Variants in PUS1 observed in about 807,000 individuals in gnomAD.
PUS1 encodes pseudouridylate synthase 1 homolog.
Under a neutral mutation model 38.5 loss-of-function variants are expected in PUS1, and 25 were observed. The ratio of observed to expected loss-of-function variants is 0.65; its 90% confidence interval spans 0.47 to 0.91. PUS1 has a LOEUF of 0.91. Among genes scored for constraint, PUS1 ranks in the 40% least tolerant of loss-of-function variants. The probability of loss-of-function intolerance (pLI) is 0.00; values close to 1 mark genes in which losing one functional copy is unlikely to be tolerated. For missense variants in PUS1, 597 were observed against 612.3 expected (o/e 0.97, Z 0.26); for synonymous variants, 282 against 260.4 (o/e 1.08, Z -0.80).
rs1359004212 is a variant in PUS1 at position 131,944,528 on chromosome 12, A to C, written c.*942A>C. On this transcript the variant is annotated 3_prime_UTR_variant, in exon 6 of 6. Coordinates refer to ENST00000376649, the MANE Select transcript of PUS1 (RefSeq NM_025215.6). ...AACTCCGTCAAAAAAAAAACAACAA[A>C]AAAACCCAGCATCCTGCACTCTGCA... is the stretch of plus-strand genomic sequence containing the variant. 1 of 152,118 alleles carries C rather than the reference A, an allele frequency of 6.6e-6. No individual in the cohort carries two copies. Among genetic ancestry groups the C allele is most frequent in the African/African-American group, 2.4e-5 (1 of 41,378 alleles). The allele number at this position is 152,118 out of a possible 1,614,324, so 9.4% of individuals were successfully genotyped here.
rs774071029 is a variant in PUS1, at chr12:131,941,476, C to G, written c.729C>G (p.His243Gln). Residue 243 changes from histidine (H) to glutamine (Q), a missense_variant, in exon 5 of 6, where the codon CAC (histidine) becomes CAG (glutamine). Physicochemically the swap from His to Gln is conservative, Grantham distance 24. Coordinates refer to ENST00000376649, the MANE Select transcript of PUS1 (RefSeq NM_025215.6). The surrounding 1 kb of genome is among the most constrained non-coding windows in gnomAD (Gnocchi z 4.4). ...TCCTGGCCTGCTACAAGGGCACGCACAACTTCCACAATTTCACCTCGCAGA... is the reference window on the plus strand; with the variant it reads ...TCCTGGCCTGCTACAAGGGCACGCAGAACTTCCACAATTTCACCTCGCAGA... Reference protein sequence around the residue: ...NRLLACYKGTHNFHNFTSQKG... With the variant: ...NRLLACYKGTQNFHNFTSQKG... 5 of 1,613,516 alleles carry G rather than the reference C, an allele frequency of 3.1e-6. No homozygotes were observed. Among genetic ancestry groups the G allele is most frequent in the Non-Finnish European group, 4.2e-6 (5 of 1,179,444 alleles).
chr12:131,943,495 A>C, intron 5 of PUS1, 44 bp from the exon 6 acceptor site: 2 of 1,556,882 alleles, frequency 1.3e-6, no homozygotes, highest in Non-Finnish European at 1.8e-6. Context: ...GGAGCAGTGG[A>C]GAGAGTGCTT....
In PUS1 at chr12:131,941,257, C is replaced by G. The variant is rs377257644; in HGVS notation, c.545-35C>G. 6 of 1,585,658 alleles carry G rather than the reference C, an allele frequency of 3.8e-6. No homozygotes were observed. The highest frequency in any genetic ancestry group is 5.2e-6 in the Non-Finnish European group (6 of 1,155,302). On this transcript the variant is annotated intron_variant, in intron 4 of 5. Coordinates refer to ENST00000376649, the MANE Select transcript of PUS1 (RefSeq NM_025215.6). The surrounding 1 kb of genome is among the most constrained non-coding windows in gnomAD (Gnocchi z 4.4). Reference sequence around the variant, plus strand: ...TCCCTGGTCATCCAGGCACTTCTCACCTGCCTTTCTCCTCCCTGACCACCT... The same window carrying G: ...TCCCTGGTCATCCAGGCACTTCTCAGCTGCCTTTCTCCTCCCTGACCACCT...
Position 131,932,259 on chromosome 12 carries a change from C to G in PUS1, c.388C>G (p.His130Asp), listed in dbSNP as rs201691654. The part of the protein sequence containing the change: ...LVRSGCIPEN[H>D]GEDMRKMSFQ... ...CCGGTCAGGCTGTATTCCTGAAAAT[C>G]ATGGTGAGGACATGAGGAAAATGTC... Residue 130 changes from histidine (H) to aspartate (D), a missense_variant, in exon 3 of 6, where the codon CAT becomes GAT. Coordinates refer to ENST00000376649, the MANE Select transcript of PUS1 (RefSeq NM_025215.6). The G allele has an allele frequency of 5.5e-5, 88 of 1,614,128 alleles. No homozygotes were observed. Among genetic ancestry groups the G allele is most frequent in the Non-Finnish European group, 6.7e-5 (79 of 1,179,980 alleles).
At chr12:131,942,033 TC>T (rs1566149210) in intron 5 of PUS1, 50 bp downstream of exon 5, 1 of 1,507,796 alleles carries the variant, frequency 6.6e-7, no homozygotes. Context: ...CCCACATTGT[TC>T]CCATTGTACA....
In PUS1 at chr12:131,929,581, G is replaced by A; in HGVS notation, c.-142G>A. The A allele has an allele frequency of 1.4e-6, 1 of 699,430 alleles. No homozygotes were observed. The highest frequency in any genetic ancestry group is 2.2e-6 in the Non-Finnish European group (1 of 453,102). 43.3% of individuals were successfully genotyped at this position (699,430 alleles called of 1,614,324 possible). On this transcript the variant is annotated 5_prime_UTR_variant, in exon 1 of 6. Coordinates refer to ENST00000376649, the MANE Select transcript of PUS1 (RefSeq NM_025215.6). ...CAGCTGGAGAGGGGCTGGGGCGCCG[G>A]TTTCCCGGAGGTCAGGGGTCAGAAG...
At chr12:131,940,954 C>A in intron 4 of PUS1, 1 of 318,622 alleles carries the variant, frequency 3.1e-6, no homozygotes, top group South Asian at 4.8e-5. Flanking sequence ...GTATAAAGAT[C>A]AAATAGGGCA....
chr12:131,932,656 G>T, intron 3 of PUS1: 1 of 443,314 alleles, frequency 2.3e-6, no homozygotes. Flanking sequence ...AGATGTAATT[G>T]TGTGGCTGCA....
In PUS1 at chr12:131,942,680, A is replaced by G. The variant is rs191153292; in HGVS notation, c.1236+697A>G. 1.8e-4 allele frequency among the ~76,000 whole-genome samples: 28 copies of G among 152,330 alleles called. No individual in the cohort carries two copies. In the East Asian group the frequency reaches 5.4e-3, roughly 29 times the overall value. ...CTTGGCCTCCCAAAGTGCTGGGATT[A>G]CAGTCGTGAGCCACTGCGTCCGGCC... On this transcript the variant is annotated intron_variant, in intron 5 of 5. Coordinates refer to ENST00000376649, the MANE Select transcript of PUS1 (RefSeq NM_025215.6).
chr12:131,943,389 A>C, intron 5 of PUS1, 150 bp from the exon 6 acceptor site: 8 of 755,312 alleles, frequency 1.1e-5, no homozygotes, highest in Admixed American at 1.8e-5. Context: ...GGTTAAGAGA[A>C]TGACCGAGAA....
intron 2 of PUS1, among the ~76,000 whole-genome samples, chr12:131,930,454 G>A (rs147711131): frequency 1.3e-5 from 2 of 152,340 alleles, no homozygotes; most frequent in African/African-American, 4.8e-5. Flanking sequence ...TGAGCTAGGT[G>A]TACTGACGCT....
chr12:131,935,478 C>G (rs1890782790), intron 3 of PUS1, among the ~76,000 whole-genome samples: 1 of 152,206 alleles, frequency 6.6e-6, no homozygotes. Context: ...CGGTCACACC[C>G]GAGTGCCCTG....
chr12:131,937,987 T>C (rs540576465), intron 3 of PUS1, among the ~76,000 whole-genome samples: 44 of 152,314 alleles, frequency 2.9e-4, no homozygotes, highest in Non-Finnish European at 3.7e-4. Flanking sequence ...AGTACCATCA[T>C]CTAACATGTC....
intron 3 of PUS1, among the ~76,000 whole-genome samples, chr12:131,934,178 G>T (rs1890726930): frequency 6.6e-6 from 1 of 152,256 alleles, no homozygotes; most frequent in Non-Finnish European, 1.5e-5. Context: ...GAGCATGAAA[G>T]TGGACAAGGA....
intron 3 of PUS1, chr12:131,932,530 C>T: frequency 1.7e-6 from 1 of 605,232 alleles, no homozygotes; most frequent in South Asian, 1.9e-5. Flanking sequence ...TGTGTTCTCT[C>T]TGGTCTTTGC....
At chr12:131,932,620 C>T (rs961618914) in intron 3 of PUS1, 1 of 502,224 alleles carries the variant, frequency 2.0e-6, no homozygotes, top group South Asian at 2.0e-5. Context: ...CTGCTTTCGA[C>T]CCTCCAATCA....
intron 5 of PUS1, 68 bp from the exon 6 acceptor site, chr12:131,943,471 C>A: frequency 7.4e-7 from 1 of 1,353,280 alleles, no homozygotes; most frequent in Non-Finnish European, 1.1e-6. Flanking sequence ...GTCATGGGCC[C>A]CTGTGGGCAT....
At position 131,931,815 on chromosome 12, in the gene PUS1, G is replaced by A. The variant is rs568706861; in HGVS notation, c.304-360G>A. 549 of 466,394 alleles carry A rather than the reference G, an allele frequency of 1.2e-3. 6 individuals are homozygous for A. The highest frequency in any genetic ancestry group is 0.01 in the African/African-American group (521 of 50,924). The allele number at this position is 466,394 out of a possible 1,614,324, so 28.9% of individuals were successfully genotyped here. A position where few individuals can be genotyped will look rare whatever the true frequency, so the allele number is the denominator to read the frequency against. On this transcript the variant is annotated intron_variant, in intron 2 of 5. Coordinates refer to ENST00000376649, the MANE Select transcript of PUS1 (RefSeq NM_025215.6). ...CAAAGTGCTGGGATTACAGGTGTGA[G>A]CCACTGCACCTGGCCATAGATTACT... is the stretch of plus-strand genomic sequence containing the variant.
At chr12:131,942,122 G>A (rs917047714) in intron 5 of PUS1, 139 bp downstream of exon 5, 22 of 858,110 alleles carry the variant, frequency 2.6e-5, no homozygotes, top group African/African-American at 3.3e-5. Context: ...AGGGGCAGGC[G>A]GTCTTGAGAT....
Sources: allele counts gnomAD v4.1 joint callset (sites outside exome capture counted in the v4.1 genomes callset), GRCh38; gene constraint gnomAD v4.1.1; non-coding constraint Gnocchi (gnomAD v3.1); transcripts MANE v1.5; gene names NCBI Gene and HGNC (gene_info 2026-07-23, HGNC 2026-07-21).